RGPD2: variants seen among roughly 807,000 people sequenced by gnomAD.
The protein encoded by RGPD2 is RANBP2-like and GRIP domain-containing protein 2.
In RGPD2, 2 loss-of-function variants were observed where a neutral mutation model predicts 36.0. The observed-to-expected ratio is 0.06, with a 90% confidence interval of 0.02 to 0.17. RGPD2 has a LOEUF of 0.17. Among genes scored for constraint, RGPD2 ranks in the 10% least tolerant of loss-of-function variants. The probability of loss-of-function intolerance (pLI) is 1.00; values close to 1 mark genes in which losing one functional copy is unlikely to be tolerated. For synonymous variants in RGPD2, 19 were observed against 163.8 expected (o/e 0.12, Z 6.75); for missense variants, 40 against 464.3 (o/e 0.09, Z 8.40).
the RGPD2 span, among the ~76,000 whole-genome samples, chr2:87,920,300 T>G: frequency 3.3e-5 from 5 of 152,210 alleles, no homozygotes; most frequent in East Asian, 9.6e-4. Context: ...CTTCAAAGCT[T>G]TCTTCTTTCT....
chr2:87,934,627 C>T, the RGPD2 span, among the ~76,000 whole-genome samples: 1 of 151,388 alleles, frequency 6.6e-6, no homozygotes, highest in Non-Finnish European at 1.5e-5. Flanking sequence ...GTATACCTCA[C>T]CCAATTGTCA....
chr2:87,966,314 C>A, the RGPD2 span, among the ~76,000 whole-genome samples: 1 of 147,582 alleles, frequency 6.8e-6, no homozygotes, highest in Admixed American at 6.9e-5. Flanking sequence ...TTCAGTCAGG[C>A]CAAATGCCAA....
chr2:87,915,535 T>TAC, the RGPD2 span, among the ~76,000 whole-genome samples: 15 of 143,614 alleles, frequency 1.0e-4, no homozygotes, highest in Admixed American at 5.6e-4. Context: ...TATACATATA[T>TAC]ACACATATAT....
the RGPD2 span, among the ~76,000 whole-genome samples, chr2:87,912,375 GAGA>G: frequency 1.3e-5 from 2 of 150,746 alleles, no homozygotes; most frequent in African/African-American, 2.4e-5. Flanking sequence ...ACTGGGGTCT[GAGA>G]AGGTGGTTTC....
chr2:87,829,938 A>G (rs995078974), upstream of RGPD2, among the ~76,000 whole-genome samples: 1 of 138,806 alleles, frequency 7.2e-6, no homozygotes, highest in African/African-American at 2.7e-5. Context: ...CCACAGTCCA[A>G]TGTGTCATCT....
chr2:87,861,135 T>G, the RGPD2 span, among the ~76,000 whole-genome samples: 5 of 78,596 alleles, frequency 6.4e-5, no homozygotes, highest in South Asian at 7.2e-4. Context: ...TGTGTAAGTG[T>G]TTTTTTTTTT....
At chr2:87,836,343 A>AAGG in the RGPD2 span, among the ~76,000 whole-genome samples, 1 of 150,764 alleles carries the variant, frequency 6.6e-6, no homozygotes, top group East Asian at 1.9e-4. Flanking sequence ...GGAAGGAAGG[A>AAGG]AAAAAAAGAA....
chr2:87,824,862 G>GGCC (rs533529835), intron 1 of RGPD2: 424 of 37,508 alleles, frequency 0.011, 6 homozygotes, highest in Middle Eastern at 0.026. Context: ...CCGAGGCCGA[G>GGCC]GCCGCCGCCG....
the RGPD2 span, among the ~76,000 whole-genome samples, chr2:87,984,947 A>G: frequency 2.7e-5 from 4 of 149,376 alleles, 1 homozygote; most frequent in Admixed American, 1.3e-4. Context: ...AAAAAAAAAA[A>G]AAAGGATTTG....
chr2:87,824,182 C>T (rs1237351972), intron 1 of RGPD2, among the ~76,000 whole-genome samples: 1 of 149,576 alleles, frequency 6.7e-6, no homozygotes, highest in African/African-American at 2.5e-5. Context: ...CCACCACGCC[C>T]GGCTCATTTT....
chr2:87,777,734 ACCTCTG>A (rs1401320824), intron 20 of RGPD2, among the ~76,000 whole-genome samples: 5 of 151,554 alleles, frequency 3.3e-5, no homozygotes, highest in Admixed American at 2.6e-4. Context: ...GCTCACAGCA[ACCTCTG>A]CCTCCCAGGC....
At chr2:87,966,251 G>A in the RGPD2 span, among the ~76,000 whole-genome samples, 13 of 152,006 alleles carry the variant, frequency 8.6e-5, no homozygotes, top group African/African-American at 2.7e-4. Flanking sequence ...TTATTTCACT[G>A]ATGGCACAAA....
the RGPD2 span, among the ~76,000 whole-genome samples, chr2:87,844,777 C>A: frequency 8.1e-5 from 12 of 148,814 alleles, no homozygotes; most frequent in East Asian, 2.4e-3. Flanking sequence ...TTCATTGTTT[C>A]TTCAAATATA....
At chr2:87,934,522 C>A in the RGPD2 span, among the ~76,000 whole-genome samples, 1 of 148,104 alleles carries the variant, frequency 6.8e-6, no homozygotes, top group Non-Finnish European at 1.5e-5. Context: ...ATTTTATGGA[C>A]TTGTTACAAT....
the RGPD2 span, among the ~76,000 whole-genome samples, chr2:87,977,533 G>C: frequency 1.5e-3 from 221 of 150,926 alleles, no homozygotes; most frequent in South Asian, 5.0e-3. Flanking sequence ...CATGTACAAG[G>C]CCAGGCGTGG....
the RGPD2 span, among the ~76,000 whole-genome samples, chr2:87,851,298 A>AT: frequency 6.9e-6 from 1 of 145,766 alleles, no homozygotes; most frequent in South Asian, 2.3e-4. Flanking sequence ...AGGCAGAAGA[A>AT]TCGCTTGAAC....
the RGPD2 span, among the ~76,000 whole-genome samples, chr2:87,933,524 A>G: frequency 6.7e-6 from 1 of 150,078 alleles, no homozygotes; most frequent in East Asian, 2.0e-4. Context: ...AAGAAAAATA[A>G]AATTAGTGTC....
the RGPD2 span, among the ~76,000 whole-genome samples, chr2:87,939,303 G>A: frequency 6.6e-6 from 1 of 152,118 alleles, no homozygotes; most frequent in African/African-American, 2.4e-5. Flanking sequence ...ATACCAAGAT[G>A]TTACCTTCCC....
the RGPD2 span, among the ~76,000 whole-genome samples, chr2:87,961,939 G>A: frequency 6.9e-6 from 1 of 144,608 alleles, no homozygotes; most frequent in Non-Finnish European, 1.5e-5. Flanking sequence ...GGAGGTCGAG[G>A]CGGGAGGATC....
Sources: allele counts gnomAD v4.1 joint callset (sites outside exome capture counted in the v4.1 genomes callset), GRCh38; gene constraint gnomAD v4.1.1; transcripts MANE v1.5; gene names NCBI Gene and HGNC (gene_info 2026-07-23, HGNC 2026-07-21).